Variants in DLG2 observed in about 807,000 individuals in gnomAD.
DLG2 encodes discs large MAGUK scaffold protein 2.
A neutral mutation model predicts 132.5 loss-of-function variants in DLG2; 45 were observed. That is an observed-to-expected ratio of 0.34 (90% CI 0.27 to 0.44). DLG2 has a LOEUF of 0.44. Ranked by LOEUF, DLG2 falls within the 20% of genes least tolerant of loss-of-function variation. The pLI is 1.00. For synonymous variants in DLG2, 424 were observed against 419.6 expected (o/e 1.01, Z -0.13); for missense variants, 1,045 against 1,196.9 (o/e 0.87, Z 1.87).
chr11:84,009,983 A>G (rs909422657), intron 11 of DLG2, among the ~76,000 whole-genome samples: 1 of 152,110 alleles, frequency 6.6e-6, no homozygotes, highest in African/African-American at 2.4e-5. Flanking sequence ...TCCTAAGCTT[A>G]TTGTTCTATT....
chr11:85,285,003 C>T lies in DLG2; in HGVS notation c.186+217G>A, dbSNP rs542810247. The stretch of plus-strand genomic sequence containing the variant: ...ACTATGACAATTTTGCTAACATAAC[C>T]CACTCAAAAAATATAAAGAATCATA... On this transcript the variant is annotated intron_variant, in intron 4 of 27. Coordinates refer to ENST00000376104, the MANE Select transcript of DLG2 (RefSeq NM_001142699.3). 2.0e-5 allele frequency among the ~76,000 whole-genome samples: 3 copies of T among 151,874 alleles called. No individual in the cohort carries two copies. The East Asian group carries it at 5.8e-4, about 29-fold the overall frequency.
At chr11:83,629,881 C>G (rs2063270913) in intron 19 of DLG2, among the ~76,000 whole-genome samples, 1 of 152,116 alleles carries the variant, frequency 6.6e-6, no homozygotes, top group Non-Finnish European at 1.5e-5. Context: ...ACATTTTATT[C>G]ATATTTGTAA....
At chr11:84,268,927 G>T (rs2097684427) in intron 7 of DLG2, among the ~76,000 whole-genome samples, 1 of 152,098 alleles carries the variant, frequency 6.6e-6, no homozygotes, top group African/African-American at 2.4e-5. Flanking sequence ...CTAGCCCAGG[G>T]TGTGGCAAGC....
At chr11:83,734,405 T>C (rs868553080) in intron 18 of DLG2, among the ~76,000 whole-genome samples, 51 of 112,508 alleles carry the variant, frequency 4.5e-4, no homozygotes, top group East Asian at 3.1e-3. Flanking sequence ...CCTTCCTTCC[T>C]TCCCTCCCTC....
intron 8 of DLG2, among the ~76,000 whole-genome samples, chr11:84,197,053 A>AG (rs1326390919): frequency 2.0e-5 from 3 of 148,380 alleles, no homozygotes; most frequent in Admixed American, 6.7e-5. Flanking sequence ...AAAAAAAAAA[A>AG]AAAGAAAGAA....
At chr11:85,355,658 T>C (rs2083636489) in intron 3 of DLG2, among the ~76,000 whole-genome samples, 1 of 152,182 alleles carries the variant, frequency 6.6e-6, no homozygotes, top group Admixed American at 6.6e-5. Flanking sequence ...AAAGGACTAA[T>C]TTTTTATTTT....
At chr11:84,679,059 C>G (rs961890799) in intron 6 of DLG2, among the ~76,000 whole-genome samples, 1 of 151,924 alleles carries the variant, frequency 6.6e-6, no homozygotes, top group East Asian at 1.9e-4. Flanking sequence ...TGACAACCCA[C>G]AGCAATGTAT....
chr11:83,740,606 C>A (rs887733500), intron 18 of DLG2, among the ~76,000 whole-genome samples: 1 of 152,144 alleles, frequency 6.6e-6, no homozygotes, highest in Non-Finnish European at 1.5e-5. Flanking sequence ...AAGCTGTATA[C>A]TTCTGATTTG....
intron 6 of DLG2, among the ~76,000 whole-genome samples, chr11:84,812,405 G>A (rs1401743024): frequency 1.3e-5 from 2 of 152,158 alleles, no homozygotes; most frequent in South Asian, 2.1e-4. Context: ...GCACAGAATA[G>A]TATCTGATAC....
intron 18 of DLG2, among the ~76,000 whole-genome samples, chr11:83,764,789 A>G (rs1166958598): frequency 6.6e-6 from 1 of 152,140 alleles, no homozygotes; most frequent in African/African-American, 2.4e-5. Flanking sequence ...ATTTCAGTGC[A>G]TCTTTCTTCA....
intron 7 of DLG2, among the ~76,000 whole-genome samples, chr11:84,360,713 AACAG>A (rs1370841276): frequency 2.6e-5 from 4 of 151,938 alleles, no homozygotes; most frequent in East Asian, 3.9e-4. Flanking sequence ...GACTATCATG[AACAG>A]ACAGAGAGTC....
intron 3 of DLG2, among the ~76,000 whole-genome samples, chr11:85,480,806 C>T (rs924621202): frequency 6.6e-6 from 1 of 152,168 alleles, no homozygotes; most frequent in Non-Finnish European, 1.5e-5. Context: ...CTGTCTTTTT[C>T]AGCTGCACAC....
intron 15 of DLG2, among the ~76,000 whole-genome samples, chr11:83,878,678 C>G (rs1160090703): frequency 6.6e-6 from 1 of 152,154 alleles, no homozygotes; most frequent in Non-Finnish European, 1.5e-5. Context: ...CCCACACCAC[C>G]TCATTAGTAA....
intron 7 of DLG2, among the ~76,000 whole-genome samples, chr11:84,269,038 GTATC>G (rs769299): frequency 0.57 from 86,192 of 151,500 alleles, 24,672 homozygotes; most frequent in Middle Eastern, 0.65. Context: ...GACTGAGAAA[GTATC>G]TACTATTGCT....
intron 6 of DLG2, among the ~76,000 whole-genome samples, chr11:85,067,731 G>A (rs1001120317): frequency 2.6e-5 from 4 of 151,702 alleles, no homozygotes; most frequent in Non-Finnish European, 4.4e-5. Flanking sequence ...GTACAAGGAG[G>A]AGGAGGAGTT....
chr11:84,152,226 T>C (rs1202353359), intron 9 of DLG2, among the ~76,000 whole-genome samples: 3 of 152,164 alleles, frequency 2.0e-5, no homozygotes, highest in Non-Finnish European at 2.9e-5. Flanking sequence ...GGTGCTCCAA[T>C]GTTTGGTATG....
At chr11:85,350,549 A>T (rs1259694608) in intron 3 of DLG2, among the ~76,000 whole-genome samples, 1 of 152,186 alleles carries the variant, frequency 6.6e-6, no homozygotes, top group African/African-American at 2.4e-5. Flanking sequence ...TAGGTCTAAC[A>T]TTTAAGTCTC....
At chr11:83,792,857 G>A (rs1191942962) in intron 17 of DLG2, among the ~76,000 whole-genome samples, 1 of 152,210 alleles carries the variant, frequency 6.6e-6, no homozygotes, top group East Asian at 1.9e-4. Flanking sequence ...ATTTTGATAG[G>A]TATCGCCAGA....
chr11:83,790,370 T>C, intron 17 of DLG2: 2 of 887,264 alleles, frequency 2.3e-6, no homozygotes, highest in East Asian at 4.9e-5. Context: ...GAAAGAACCA[T>C]CTGGCAGGAC....
Sources: gnomAD v4.1 joint callset for allele counts (sites outside exome capture counted in the v4.1 genomes callset) on GRCh38, gnomAD v4.1.1 for gene constraint, MANE v1.5 for transcripts, NCBI Gene and HGNC (gene_info 2026-07-23, HGNC 2026-07-21) for gene names.